The following MGRN1 variants were observed in gnomAD, a reference collection of about 807,000 sequenced individuals.
The protein encoded by MGRN1 is mahogunin ring finger 1, also known as E3 ubiquitin-protein ligase MGRN1.
Under a neutral mutation model 69.2 loss-of-function variants are expected in MGRN1, and 29 were observed. The ratio of observed to expected loss-of-function variants is 0.42; its 90% CI spans 0.31 to 0.57. The LOEUF is 0.57. MGRN1 is among the 20% of genes least tolerant of loss of function. The probability of loss-of-function intolerance (pLI) is 0.15; values close to 1 mark genes in which losing one functional copy is unlikely to be tolerated. For synonymous variants in MGRN1, 470 were observed against 344.2 expected (o/e 1.37, Z -4.04); for missense variants, 998 against 796.2 (o/e 1.25, Z -3.05).
chr16:4,631,405 T>G (rs1326305912), intron 1 of MGRN1, among the ~76,000 whole-genome samples: 1 of 152,208 alleles, frequency 6.6e-6, no homozygotes, highest in Non-Finnish European at 1.5e-5. Flanking sequence ...TTCCATTGAT[T>G]TATGTGTGTC....
chr16:4,679,958 G>T, intron 11 of MGRN1, 74 bp from the exon 12 acceptor site: 1 of 1,409,982 alleles, frequency 7.1e-7, no homozygotes, highest in Non-Finnish European at 9.9e-7. Context: ...AGGACAGCCA[G>T]TCAGACCTGT....
chr16:4,629,729 C>T (rs1224276602), intron 1 of MGRN1, among the ~76,000 whole-genome samples: 7 of 143,416 alleles, frequency 4.9e-5, no homozygotes, highest in Non-Finnish European at 1.0e-4. Context: ...AAGAGCGAGA[C>T]ACCGTCTCAA....
intron 1 of MGRN1, among the ~76,000 whole-genome samples, chr16:4,648,773 G>A (rs1332393798): frequency 7.6e-5 from 9 of 117,898 alleles, no homozygotes; most frequent in African/African-American, 2.6e-4. Flanking sequence ...TCCTCCCGGG[G>A]CTCTTCCCGT....
chr16:4,664,676 G>T, intron 5 of MGRN1, 33 bp from the exon 6 acceptor site: 3 of 1,612,496 alleles, frequency 1.9e-6, no homozygotes. Context: ...TGGCTGTGTG[G>T]GTCCTGACCA....
Position 4,671,445 on chromosome 16 carries a change from A to T in MGRN1, c.781A>T (p.Asn261Tyr). The T allele has an allele frequency of 6.2e-7, 1 of 1,614,050 alleles. No homozygotes were observed. Among genetic ancestry groups the T allele is most frequent in the South Asian group, 1.1e-5 (1 of 91,080 alleles). Residue 261 changes from asparagine (N) to tyrosine (Y), a missense_variant, in exon 9 of 17, where the codon AAC (asparagine) becomes TAC (tyrosine). Asn to Tyr is a moderately radical substitution (Grantham distance 143). Coordinates refer to ENST00000262370, the MANE Select transcript of MGRN1 (RefSeq NM_015246.4). ...QEIYGIENKN[N>Y]QETKPSDDEN... Reference sequence around the variant, plus strand: ...GATCTATGGCATTGAGAACAAGAACAACCAGGAGACCAAGGTGTGTATCTG... The same window carrying T: ...GATCTATGGCATTGAGAACAAGAACTACCAGGAGACCAAGGTGTGTATCTG...
intron 12 of MGRN1, 25 bp downstream of exon 12, chr16:4,680,122 G>C (rs576586848): frequency 1.2e-6 from 2 of 1,610,806 alleles, no homozygotes; most frequent in Middle Eastern, 1.7e-4. Context: ...CTCCGGCTAC[G>C]TTTTTTTGCC....
At chr16:4,687,984 G>A (rs1039635767) in intron 16 of MGRN1, 4 of 985,418 alleles carry the variant, frequency 4.1e-6, no homozygotes, top group African/African-American at 3.5e-5. Flanking sequence ...GGTGCCGTGC[G>A]AATGTCACGA....
At chr16:4,661,021 T>C (rs554387140) in intron 5 of MGRN1, among the ~76,000 whole-genome samples, 1 of 152,092 alleles carries the variant, frequency 6.6e-6, no homozygotes, top group African/African-American at 2.4e-5. Context: ...TCACTCTGTC[T>C]CCCAGGCTGG....
intron 3 of MGRN1, 80 bp from the exon 4 acceptor site, chr16:4,652,598 C>T: frequency 6.6e-7 from 1 of 1,507,406 alleles, no homozygotes; most frequent in South Asian, 1.3e-5. Context: ...CTCCACGGCC[C>T]CTCAGCCTGG....
rs548249769 is a variant in MGRN1, at chr16:4,662,096, G to A, written c.562-2613G>A. 9.2e-5 allele frequency among the ~76,000 whole-genome samples: 14 copies of A among 152,214 alleles called. No individual in the cohort carries two copies. The South Asian group carries it at 2.3e-3, about 25-fold the overall frequency. ...TTTCTTGACACTGATGTTTGTCCCC[G>A]TCCCCTTCTCCTGACTGCTGTCTGT... On this transcript the variant is annotated intron_variant, in intron 5 of 16. Transcript: ENST00000262370.
chr16:4,628,060 T>A (rs1353313978), intron 1 of MGRN1, among the ~76,000 whole-genome samples: 10 of 126,466 alleles, frequency 7.9e-5, no homozygotes, highest in Admixed American at 1.8e-4. Flanking sequence ...AGCCTAGGTG[T>A]CAGAGTGAGA....
chr16:4,641,081 TCA>T (rs1692085317), intron 1 of MGRN1, among the ~76,000 whole-genome samples: 1 of 152,348 alleles, frequency 6.6e-6, no homozygotes, highest in African/African-American at 2.4e-5. Flanking sequence ...CACTTCCCAC[TCA>T]CAGTCTCCTT....
chr16:4,678,274 C>T (rs566224768), intron 11 of MGRN1, among the ~76,000 whole-genome samples: 1 of 130,842 alleles, frequency 7.6e-6, no homozygotes, highest in African/African-American at 2.4e-5. Flanking sequence ...GCAGGCCCTG[C>T]TTCAGCAACA....
intron 8 of MGRN1, among the ~76,000 whole-genome samples, chr16:4,668,669 CAT>C (rs148698704): frequency 0.035 from 5,271 of 152,084 alleles, 141 homozygotes; most frequent in African/African-American, 0.068. Flanking sequence ...CAGTCACACA[CAT>C]ATACATAGAC....
At chr16:4,677,644 G>C in intron 11 of MGRN1, 72 bp downstream of exon 11, 1 of 1,426,630 alleles carries the variant, frequency 7.0e-7, no homozygotes, top group South Asian at 1.2e-5. Context: ...GCAAGGCCCA[G>C]ACGGTCCAGC....
intron 15 of MGRN1, 126 bp downstream of exon 15, chr16:4,683,395 A>G (rs2079233726): frequency 3.4e-6 from 4 of 1,168,002 alleles, no homozygotes; most frequent in Non-Finnish European, 4.8e-6. Context: ...CTCGGCCAAG[A>G]GGCCCCCCTC....
intron 2 of MGRN1, chr16:4,650,751 G>A: frequency 3.0e-6 from 1 of 337,450 alleles, no homozygotes; most frequent in Middle Eastern, 8.0e-4. Flanking sequence ...GGGCTGCAAC[G>A]GCTGCGGAAC....
At chr16:4,641,589 G>A (rs1164827919) in intron 1 of MGRN1, among the ~76,000 whole-genome samples, 1 of 150,768 alleles carries the variant, frequency 6.6e-6, no homozygotes, top group Admixed American at 6.6e-5. Context: ...TGCAGTCTCG[G>A]CTGACCGCAA....
At chr16:4,666,004 G>A (rs371044519) in intron 7 of MGRN1, among the ~76,000 whole-genome samples, 1 of 151,056 alleles carries the variant, frequency 6.6e-6, no homozygotes, top group Non-Finnish European at 1.5e-5. Context: ...TAATTTTTTT[G>A]TATTTTCAGT....
Sources: allele counts gnomAD v4.1 joint callset (sites outside exome capture counted in the v4.1 genomes callset), GRCh38; gene constraint gnomAD v4.1.1; transcripts MANE v1.5; gene names NCBI Gene and HGNC (gene_info 2026-07-23, HGNC 2026-07-21).